Variants in MYCBP2 observed in about 807,000 individuals in gnomAD.
MYCBP2 encodes E3 ubiquitin-protein ligase MYCBP2.
Under a neutral mutation model 525.3 loss-of-function variants are expected in MYCBP2, and 120 were observed. The observed-to-expected ratio is 0.23, with a 90% CI of 0.20 to 0.27. MYCBP2 has a LOEUF of 0.27. Among genes scored for constraint, MYCBP2 ranks in the 10% least tolerant of loss-of-function variants. MYCBP2 has a pLI of 1.00. For missense variants in MYCBP2, 4,149 were observed against 5,657.1 expected, an observed-to-expected ratio of 0.73 and a Z score of 8.55; for synonymous variants, 1,894 against 1,955.8, an observed-to-expected ratio of 0.97 and a Z score of 0.83.
rs781044969 is a variant in MYCBP2, at chr13:77,076,740, C to T, written c.11823+11G>A. 2 of 1,477,212 alleles carry T rather than the reference C, an allele frequency of 1.4e-6. No homozygotes were observed. The highest frequency in any genetic ancestry group is 1.9e-6 in the Non-Finnish European group (2 of 1,070,756). The allele number at this position is 1,477,212 out of a possible 1,614,324, so 91.5% of individuals were successfully genotyped here. On this transcript the variant is annotated intron_variant, in intron 68 of 82. Coordinates refer to ENST00000544440, the MANE Select transcript of MYCBP2 (RefSeq NM_015057.5). ...AAGGGAAATAAATATCTTTAGAATA[C>T]AAATAAATACATTGTATACTTTTTC...
chr13:77,205,701 A>C, intron 24 of MYCBP2, 103 bp from the exon 25 acceptor site: 1 of 943,090 alleles, frequency 1.1e-6, no homozygotes, highest in Non-Finnish European at 1.5e-6. Flanking sequence ...AAATAAACTC[A>C]GAATGTTACT....
intron 46 of MYCBP2, among the ~76,000 whole-genome samples, chr13:77,154,796 C>A (rs1244161756): frequency 6.6e-6 from 1 of 152,000 alleles, no homozygotes; most frequent in Non-Finnish European, 1.5e-5. Context: ...ATATCACTAT[C>A]AGGATAACTT....
intron 26 of MYCBP2, among the ~76,000 whole-genome samples, chr13:77,202,236 A>T (rs2062694564): frequency 6.6e-6 from 1 of 152,214 alleles, no homozygotes; most frequent in African/African-American, 2.4e-5. Flanking sequence ...AGAAATACAA[A>T]CTACCATCAG....
rs1379009891 is a variant in MYCBP2 at position 77,076,760 on chromosome 13, T to G, written c.11814A>C (p.Lys3938Asn). The G allele has an allele frequency of 1.3e-6, 2 of 1,588,516 alleles. No homozygotes were observed. The highest frequency in any genetic ancestry group is 3.4e-5 in the Admixed American group (2 of 59,110). The change falls in exon 68 of 83, where the codon AAA becomes AAC. Residue 3938 changes from lysine (K) to asparagine (N), a missense_variant. Around this residue, in one of 21 missense-constraint regions of MYCBP2, gnomAD observed 509 missense variants for 789.4 expected, o/e 0.64. Transcript: ENST00000544440. The stretch of plus-strand genomic sequence containing the variant: ...GAATACAAATAAATACATTGTATAC[T>G]TTTTCTTCTCCTTCAGGTGATGACA... The part of the protein sequence containing the change: ...ALLSSPEGEE[K>N]VYNATSDADL...
intron 62 of MYCBP2, among the ~76,000 whole-genome samples, chr13:77,084,006 T>G (rs1026368514): frequency 3.9e-5 from 6 of 152,182 alleles, no homozygotes; most frequent in Non-Finnish European, 8.8e-5. Context: ...ATTAGATATG[T>G]ATGTAACATA....
chr13:77,197,276 A>C (rs2061852901), intron 26 of MYCBP2, among the ~76,000 whole-genome samples: 1 of 152,206 alleles, frequency 6.6e-6, no homozygotes, highest in Non-Finnish European at 1.5e-5. Flanking sequence ...TACAGAGACT[A>C]TCTAGGTGGC....
intron 55 of MYCBP2, chr13:77,103,292 A>G (rs956724775): frequency 7.5e-5 from 30 of 397,634 alleles, no homozygotes; most frequent in South Asian, 1.3e-4. Flanking sequence ...ACGAGAAGCA[A>G]GGTTGCGAGA....
rs928829099 is a variant in MYCBP2 at position 77,171,412 on chromosome 13, G to T, written c.5794+80C>A. 5 of 1,348,286 alleles carry T rather than the reference G, an allele frequency of 3.7e-6. No homozygotes were observed. The African/African-American group carries it at 5.9e-5, about 16-fold the overall frequency. The allele number at this position is 1,348,286 out of a possible 1,614,324, so 83.5% of individuals were successfully genotyped here. On this transcript the variant is annotated intron_variant, in intron 38 of 82. Coordinates refer to ENST00000544440, the MANE Select transcript of MYCBP2 (RefSeq NM_015057.5). ...ATTCTATAAAATTGTATAATAGAAG[G>T]CTCCTCTTCAATAATTCTATGCAAA...
At chr13:77,158,862 TG>T (rs2057535224) in intron 44 of MYCBP2, among the ~76,000 whole-genome samples, 2 of 152,172 alleles carry the variant, frequency 1.3e-5, no homozygotes, top group African/African-American at 4.8e-5. Flanking sequence ...GAAGCCTGAT[TG>T]TGGCAGCACA....
At position 77,318,170 on chromosome 13, in the gene MYCBP2, G is replaced by A. The variant is rs569496435; in HGVS notation, c.302+8304C>T. On this transcript the variant is annotated intron_variant, in intron 1 of 82. Transcript: ENST00000544440. The stretch of plus-strand genomic sequence containing the variant: ...ATCATGGTCCTTTCCACTGTATAAG[G>A]ACTGGTTGGCCTGCTTGAAGGATGA... Among the ~76,000 whole-genome samples the A allele has an allele frequency of 2.6e-5, 4 of 152,216 alleles. No individual in the cohort carries two copies. In the South Asian group the frequency reaches 8.3e-4, roughly 32 times the overall value.
chr13:77,061,279 G>GCTT lies in MYCBP2; in HGVS notation c.12923_12925dup (p.Glu4308dup). 6.2e-7 allele frequency: 1 copy of GCTT among 1,608,366 alleles called. No individual in the cohort carries two copies. Among genetic ancestry groups the GCTT allele is most frequent in the Non-Finnish European group, 8.5e-7 (1 of 1,177,724 alleles). ...ACCTTCATGAAGGTCAACCTTTATA[G>GCTT]CTTCTTCTTCTTCTTTGAAGACCTA... is the stretch of plus-strand genomic sequence containing the variant. On this transcript the variant is annotated inframe_insertion, in exon 76 of 83. Coordinates refer to ENST00000544440, the MANE Select transcript of MYCBP2 (RefSeq NM_015057.5).
At chr13:77,112,621 T>C (rs1407966713) in intron 55 of MYCBP2, among the ~76,000 whole-genome samples, 3 of 151,926 alleles carry the variant, frequency 2.0e-5, no homozygotes, top group Admixed American at 2.0e-4. Flanking sequence ...TTAATTTTTA[T>C]AGAAACAAGG....
rs1191986553 is a variant in MYCBP2 at position 77,213,321 on chromosome 13, G to A, written c.3058-1161C>T. ...GAAACCTCGTCTCTACTAAAAATAC[G>A]AAAATTAGCTGGGTGTGGTGGCATG... On this transcript the variant is annotated intron_variant, in intron 21 of 82. Coordinates refer to ENST00000544440, the MANE Select transcript of MYCBP2 (RefSeq NM_015057.5). Among the ~76,000 whole-genome samples, 8 of 151,864 alleles carry A rather than the reference G, an allele frequency of 5.3e-5. No individual in the cohort carries two copies. The South Asian group carries it at 1.0e-3, about 20-fold the overall frequency.
intron 33 of MYCBP2, among the ~76,000 whole-genome samples, chr13:77,181,050 C>T (rs2060172157): frequency 6.6e-6 from 1 of 152,194 alleles, no homozygotes; most frequent in South Asian, 2.1e-4. Flanking sequence ...TTTGTACACA[C>T]ATATGATTCC....
chr13:77,087,606 T>C lies in MYCBP2; in HGVS notation c.10753A>G (p.Ile3585Val). 1 of 1,613,128 alleles carries C rather than the reference T, an allele frequency of 6.2e-7. No homozygotes were observed. The highest frequency in any genetic ancestry group is 8.5e-7 in the Non-Finnish European group (1 of 1,179,460). ...ATATCATGGAGAGAAGTGGTTTGGA[T>C]GACATTACACAGAAGCCAGTTGAAA... ...EAFNWLLCNV[I>V]QTTSLHDILW... Residue 3585 changes from isoleucine (I) to valine (V), a missense_variant, in exon 62 of 83, where the codon ATC becomes GTC. Ile to Val is a conservative substitution (Grantham distance 29, BLOSUM62 3). Coordinates refer to ENST00000544440, the MANE Select transcript of MYCBP2 (RefSeq NM_015057.5).
intron 3 of MYCBP2, among the ~76,000 whole-genome samples, chr13:77,281,285 AT>A (rs1433675949): frequency 1.3e-5 from 2 of 152,198 alleles, no homozygotes; most frequent in Admixed American, 6.5e-5. Context: ...AAATGTTTAT[AT>A]TGGGGTATAT....
At chr13:77,116,079 A>G (rs1268788095) in intron 55 of MYCBP2, among the ~76,000 whole-genome samples, 1 of 151,900 alleles carries the variant, frequency 6.6e-6, no homozygotes, top group Non-Finnish European at 1.5e-5. Context: ...CAAATCATTT[A>G]TCCTCTCTAA....
At chr13:77,241,941 A>T (rs1217750241) in intron 17 of MYCBP2, among the ~76,000 whole-genome samples, 1 of 152,222 alleles carries the variant, frequency 6.6e-6, no homozygotes, top group African/African-American at 2.4e-5. Context: ...AATATGCAAT[A>T]TCAGTAAACA....
chr13:77,294,115 T>TACATATATATATGTATATATATAC (rs1382628273), intron 2 of MYCBP2, among the ~76,000 whole-genome samples: 1 of 53,798 alleles, frequency 1.9e-5, no homozygotes. Context: ...TATATATATA[T>TACATATATATATGTATATATATAC]ATATATATAT....
Sources: gnomAD v4.1 joint callset for allele counts (sites outside exome capture counted in the v4.1 genomes callset) on GRCh38, gnomAD v4.1.1 for gene constraint, gnomAD v4.1.1 regional missense constraint, MANE v1.5 for transcripts, NCBI Gene and HGNC (gene_info 2026-07-23, HGNC 2026-07-21) for gene names.